The following GRIP1 variants were observed in gnomAD, a reference collection of about 807,000 sequenced individuals.
GRIP1 encodes glutamate receptor interacting protein 1.
GRIP1 carries 45 observed loss-of-function variants against 129.9 expected under a neutral mutation model. The ratio of observed to expected loss-of-function variants is 0.35; its 90% CI spans 0.27 to 0.44. The LOEUF (loss-of-function observed/expected upper bound fraction) is 0.44. GRIP1 is among the 20% of genes least tolerant of loss of function. The pLI, the probability that GRIP1 is intolerant of heterozygous loss-of-function variation, is 1.00. For synonymous variants in GRIP1, 530 were observed against 520.8 expected, an observed-to-expected ratio of 1.02 and a Z score of -0.24; for missense variants, 1,196 against 1,396.8, an observed-to-expected ratio of 0.86 and a Z score of 2.29.
At chr12:66,576,990 T>G (rs914288505) in intron 2 of GRIP1, among the ~76,000 whole-genome samples, 1 of 152,234 alleles carries the variant, frequency 6.6e-6, no homozygotes, top group Non-Finnish European at 1.5e-5. Context: ...AGCTAATGGT[T>G]TTCTTGAACT....
At chr12:66,474,320 G>T (rs1316490745) in intron 7 of GRIP1, among the ~76,000 whole-genome samples, 1 of 151,976 alleles carries the variant, frequency 6.6e-6, no homozygotes, top group African/African-American at 2.4e-5. Context: ...AAGAAATATG[G>T]GACTATGTGA....
At chr12:66,589,311 T>C (rs1340775513) in intron 2 of GRIP1, among the ~76,000 whole-genome samples, 1 of 151,830 alleles carries the variant, frequency 6.6e-6, no homozygotes, top group Non-Finnish European at 1.5e-5. Context: ...TTCCCTAAGC[T>C]TTGGCGTAAT....
rs200314610 is a variant in GRIP1, at chr12:66,442,709, A to T, written c.1687+1875T>A. On this transcript the variant is annotated intron_variant, in intron 13 of 24. Coordinates refer to ENST00000359742, the MANE Select transcript of GRIP1 (RefSeq NM_001366722.1). ...ACCATGCCAGGCTAATTTAAAAAAA[A>T]TTTTTTTTTTAAGAGATGAGGTCTC... Among the ~76,000 whole-genome samples the T allele has an allele frequency of 3.2e-3, 473 of 149,682 alleles. 1 individual carries two copies. The highest frequency in any genetic ancestry group is 8.4e-3 in the African/African-American group (342 of 40,808).
At chr12:66,977,186 A>G (rs912872541) in intron 1 of GRIP1, among the ~76,000 whole-genome samples, 12 of 151,348 alleles carry the variant, frequency 7.9e-5, no homozygotes, top group African/African-American at 1.7e-4. Context: ...TGCCATGATT[A>G]AGATTAGGTC....
intron 1 of GRIP1, among the ~76,000 whole-genome samples, chr12:66,829,420 T>A (rs188926356): frequency 6.6e-6 from 1 of 152,302 alleles, no homozygotes; most frequent in Admixed American, 6.5e-5. Flanking sequence ...GAGTTTGGAT[T>A]TCTGACATCC....
intron 1 of GRIP1, among the ~76,000 whole-genome samples, chr12:66,627,913 G>A (rs2140017471): frequency 6.6e-6 from 1 of 152,310 alleles, no homozygotes; most frequent in East Asian, 1.9e-4. Flanking sequence ...GAGCCTGAGA[G>A]GGCTGGAGAG....
chr12:66,562,058 T>G (rs1028885063), intron 2 of GRIP1, among the ~76,000 whole-genome samples: 1 of 152,104 alleles, frequency 6.6e-6, no homozygotes, highest in South Asian at 2.1e-4. Context: ...CAGTGAGCCA[T>G]GATTGCACTA....
intron 2 of GRIP1, among the ~76,000 whole-genome samples, chr12:66,589,233 T>C (rs577610218): frequency 1.3e-4 from 20 of 148,802 alleles, no homozygotes; most frequent in Non-Finnish European, 2.8e-4. Flanking sequence ...TCTCTGTCTG[T>C]CTGTCTCTCT....
intron 2 of GRIP1, among the ~76,000 whole-genome samples, chr12:66,585,963 T>A (rs533475016): frequency 1.2e-4 from 18 of 152,186 alleles, no homozygotes; most frequent in Non-Finnish European, 2.1e-4. Context: ...CCCCTCTTCC[T>A]CCTGCACGAT....
intron 1 of GRIP1, among the ~76,000 whole-genome samples, chr12:66,905,678 T>G (rs2137289350): frequency 1.3e-5 from 2 of 152,342 alleles, no homozygotes; most frequent in East Asian, 3.9e-4. Context: ...AATTTTCAGC[T>G]GATTAGAAGG....
intron 15 of GRIP1, among the ~76,000 whole-genome samples, chr12:66,407,948 A>T: frequency 6.6e-6 from 1 of 152,314 alleles, no homozygotes; most frequent in East Asian, 1.9e-4. Flanking sequence ...CTTCACTCTA[A>T]CTGAGTAGAG....
intron 1 of GRIP1, among the ~76,000 whole-genome samples, chr12:66,809,219 C>G (rs1325201392): frequency 6.6e-6 from 1 of 152,158 alleles, no homozygotes; most frequent in African/African-American, 2.4e-5. Flanking sequence ...TCTTCATCCC[C>G]TTTTAGGAAA....
At chr12:66,907,873 G>T (rs994540039) in intron 1 of GRIP1, among the ~76,000 whole-genome samples, 10 of 152,072 alleles carry the variant, frequency 6.6e-5, no homozygotes, top group Non-Finnish European at 1.5e-4. Flanking sequence ...GAGGGTGGCT[G>T]GAACAAGGAG....
intron 1 of GRIP1, among the ~76,000 whole-genome samples, chr12:66,654,642 G>T (rs1457620300): frequency 1.3e-5 from 2 of 152,214 alleles, no homozygotes; most frequent in Non-Finnish European, 2.9e-5. Flanking sequence ...CAGGACAAAG[G>T]TGTGATAAGC....
chr12:66,381,611 A>G (rs2056111840), intron 19 of GRIP1, among the ~76,000 whole-genome samples: 1 of 152,214 alleles, frequency 6.6e-6, no homozygotes, highest in South Asian at 2.1e-4. Context: ...ATGACCACTG[A>G]ATTCCCTGGT....
At chr12:66,353,179 G>A (rs1330694060) in intron 24 of GRIP1, among the ~76,000 whole-genome samples, 2 of 152,244 alleles carry the variant, frequency 1.3e-5, no homozygotes, top group Admixed American at 1.3e-4. Flanking sequence ...GGGAAAGATG[G>A]CTCTGAGCTC....
chr12:66,379,148 A>G (rs2055972514), intron 20 of GRIP1, 132 bp downstream of exon 20: 1 of 1,036,162 alleles, frequency 9.7e-7, no homozygotes, highest in Non-Finnish European at 1.5e-6. Flanking sequence ...CCATGTGGCC[A>G]GCATGGATGA....
At chr12:66,936,409 G>C (rs2041485212) in intron 1 of GRIP1, among the ~76,000 whole-genome samples, 1 of 130,652 alleles carries the variant, frequency 7.7e-6, no homozygotes, top group Non-Finnish European at 1.5e-5. Flanking sequence ...CTGTGTAACA[G>C]AGCAAGACCC....
chr12:66,354,009 G>A (rs1216371594), intron 23 of GRIP1, among the ~76,000 whole-genome samples: 1 of 152,108 alleles, frequency 6.6e-6, no homozygotes, highest in African/African-American at 2.4e-5. Context: ...AGTGCTCGGC[G>A]TATCCTCTCT....
Sources: gnomAD v4.1 joint callset for allele counts (sites outside exome capture counted in the v4.1 genomes callset) on GRCh38, gnomAD v4.1.1 for gene constraint, MANE v1.5 for transcripts, NCBI Gene and HGNC (gene_info 2026-07-23, HGNC 2026-07-21) for gene names.